Variants in RREB1 observed in about 807,000 individuals in gnomAD.
RREB1 encodes ras responsive element binding protein 1, also known as ras-responsive element-binding protein 1.
A neutral mutation model predicts 117.8 loss-of-function variants in RREB1; 27 were observed. That is an observed-to-expected ratio of 0.23 (90% CI 0.17 to 0.32). RREB1 has a LOEUF of 0.32. Among genes scored for constraint, RREB1 ranks in the 10% least tolerant of loss-of-function variants. RREB1 has a pLI of 1.00. For synonymous variants in RREB1, 1,298 were observed against 1,026.7 expected, an observed-to-expected ratio of 1.26 and a Z score of -5.05; for missense variants, 2,577 against 2,378.2, an observed-to-expected ratio of 1.08 and a Z score of -1.74.
chr6:7,171,345 C>T lies in RREB1; in HGVS notation c.-284-5310C>T, dbSNP rs967349858. Among the ~76,000 whole-genome samples the T allele has an allele frequency of 5.3e-5, 8 of 151,926 alleles. 1 individual carries two copies. Among genetic ancestry groups the T allele is most frequent in the African/African-American group, 1.2e-4 (5 of 41,360 alleles). On this transcript the variant is annotated intron_variant, in intron 1 of 12. Transcript: ENST00000379938. ...CTCCGCCTTCCTGCCTTGACGGGGACGGAAATGGAAAGCCAGGTGCAGAGC... is the reference window on the plus strand; with the variant it reads ...CTCCGCCTTCCTGCCTTGACGGGGATGGAAATGGAAAGCCAGGTGCAGAGC...
chr6:7,194,098 A>G (rs1688241052), intron 6 of RREB1, among the ~76,000 whole-genome samples: 1 of 152,192 alleles, frequency 6.6e-6, no homozygotes, highest in Admixed American at 6.5e-5. Context: ...GGGGGCAGCC[A>G]TTTTGACTGA....
intron 6 of RREB1, among the ~76,000 whole-genome samples, chr6:7,208,315 T>C (rs1422337484): frequency 6.6e-6 from 1 of 152,140 alleles, no homozygotes; most frequent in Non-Finnish European, 1.5e-5. Context: ...ACTCCTGTTG[T>C]TGGAGGCTAG....
rs550371484 is a variant in RREB1 at position 7,233,164 on chromosome 6, G to T, written c.3808+1257G>T. 3.3e-5 allele frequency among the ~76,000 whole-genome samples: 5 copies of T among 152,272 alleles called. No individual in the cohort carries two copies. In the East Asian group the frequency reaches 9.6e-4, roughly 29 times the overall value. The stretch of plus-strand genomic sequence containing the variant: ...GCCCACCTTGGCCTCTCAAAGTGCT[G>T]GGATTACAGGCGTGAGTCACTGCAC... On this transcript the variant is annotated intron_variant, in intron 10 of 12. Coordinates refer to ENST00000379938, the MANE Select transcript of RREB1 (RefSeq NM_001003699.4).
At chr6:7,110,919 C>T (rs1286026023) in intron 1 of RREB1, among the ~76,000 whole-genome samples, 1 of 152,148 alleles carries the variant, frequency 6.6e-6, no homozygotes, top group Non-Finnish European at 1.5e-5. Context: ...GACTCTAAGC[C>T]CTTATGGCAG....
intron 10 of RREB1, 146 bp downstream of exon 10, chr6:7,232,053 G>T (rs533473694): frequency 1.9e-5 from 16 of 820,626 alleles, no homozygotes; most frequent in Non-Finnish European, 2.0e-5. Flanking sequence ...CCCCGAGCTT[G>T]TCTGGTGGTG....
Position 7,230,846 on chromosome 6 carries a change from A to G in RREB1, c.2747A>G (p.Asn916Ser). 1.2e-6 allele frequency: 2 copies of G among 1,614,196 alleles called. No individual in the cohort carries two copies. The highest frequency in any genetic ancestry group is 1.7e-6 in the Non-Finnish European group (2 of 1,180,018). Residue 916 changes from asparagine (N) to serine (S), a missense_variant, in exon 10 of 13, where the codon AAC becomes AGC. Transcript: ENST00000379938. ...GLALVQVKQE[N>S]ISFLSPSSLV... is the part of the protein sequence containing the mutation. ...GCCCTGGTCCAAGTGAAGCAGGAAA[A>G]CATCTCCTTTCTGAGCCCTTCTTCC...
intron 8 of RREB1, among the ~76,000 whole-genome samples, chr6:7,223,773 G>A (rs955880954): frequency 6.6e-6 from 1 of 152,102 alleles, no homozygotes. Flanking sequence ...GAGCACATAC[G>A]AAAACTTTTT....
At chr6:7,191,164 G>C (rs762989614) in intron 6 of RREB1, among the ~76,000 whole-genome samples, 83 of 152,110 alleles carry the variant, frequency 5.5e-4, no homozygotes, top group Non-Finnish European at 9.1e-4. Context: ...TGCTGAAACT[G>C]TGGTGCTCTG....
chr6:7,224,678 G>A (rs765958180), intron 8 of RREB1, among the ~76,000 whole-genome samples: 11 of 152,144 alleles, frequency 7.2e-5, no homozygotes, highest in Non-Finnish European at 1.3e-4. Flanking sequence ...CTGCTTCCCC[G>A]CAGGATCTGT....
At chr6:7,187,377 A>G (rs1765138088) in intron 4 of RREB1, 57 bp from the exon 5 acceptor site, 2 of 1,094,156 alleles carry the variant, frequency 1.8e-6, no homozygotes, top group Non-Finnish European at 2.8e-6. Flanking sequence ...ACAGAAAGAA[A>G]AGGCACTTGT....
At chr6:7,130,620 CT>C (rs150504185) in intron 1 of RREB1, among the ~76,000 whole-genome samples, 124 of 143,686 alleles carry the variant, frequency 8.6e-4, no homozygotes, top group African/African-American at 1.1e-3. Context: ...GTAGTCATTT[CT>C]TTTTTTTTTT....
chr6:7,244,483 T>G (rs1255891099), intron 11 of RREB1, among the ~76,000 whole-genome samples: 1 of 152,166 alleles, frequency 6.6e-6, no homozygotes, highest in African/African-American at 2.4e-5. Flanking sequence ...TATACCAATA[T>G]CCATTCTATA....
At position 7,249,044 on chromosome 6, in the gene RREB1, C is replaced by A; in HGVS notation, c.*76C>A. The A allele has an allele frequency of 1.0e-6, 1 of 965,646 alleles. No individual in the cohort carries two copies. Among genetic ancestry groups the A allele is most frequent in the Non-Finnish European group, 1.5e-6 (1 of 680,752 alleles). The allele number at this position is 965,646 out of a possible 1,614,324, so 59.8% of individuals were successfully genotyped here. A position where few individuals can be genotyped will look rare whatever the true frequency, so the allele number is the denominator to read the frequency against. ...ATACTTCATGGGGTTTCCTCAGTGC[C>A]CTTTGGCTGTTGAGGAGTGAGAGAG... On this transcript the variant is annotated 3_prime_UTR_variant, in exon 13 of 13. Coordinates refer to ENST00000379938, the MANE Select transcript of RREB1 (RefSeq NM_001003699.4).
chr6:7,214,238 C>A (rs1766775708), intron 8 of RREB1: 1 of 152,252 alleles, frequency 6.6e-6, no homozygotes, highest in Non-Finnish European at 1.5e-5. Flanking sequence ...TCCTGCACGT[C>A]CAGCTAGCCG....
chr6:7,229,786 C>T lies in RREB1; in HGVS notation c.1687C>T (p.Leu563=). ...SVEAASNAHL[L]QSKSGTQPHA... ...GGAGGCGGCCTCCAACGCCCACCTG[C>T]TGCAGTCCAAGTCCGGGACCCAGCC... is the stretch of plus-strand genomic sequence containing the variant. Residue 563 remains leucine (L), a synonymous_variant, in exon 10 of 13, where the codon CTG becomes TTG. Coordinates refer to ENST00000379938, the MANE Select transcript of RREB1 (RefSeq NM_001003699.4). The surrounding 1 kb of genome is among the most constrained non-coding windows in gnomAD (Gnocchi z 4.5). 6.2e-7 allele frequency: 1 copy of T among 1,608,580 alleles called. No homozygotes were observed. The highest frequency in any genetic ancestry group is 1.7e-4 in the Middle Eastern group (1 of 6,046).
At chr6:7,143,260 TA>T (rs958164218) in intron 1 of RREB1, among the ~76,000 whole-genome samples, 1 of 152,224 alleles carries the variant, frequency 6.6e-6, no homozygotes, top group African/African-American at 2.4e-5. Context: ...TGCGGCTCAT[TA>T]ATTTTTTAAG....
At chr6:7,179,701 A>C (rs891440704) in intron 2 of RREB1, among the ~76,000 whole-genome samples, 1 of 152,244 alleles carries the variant, frequency 6.6e-6, no homozygotes, top group Non-Finnish European at 1.5e-5. Flanking sequence ...GTACACACTC[A>C]TGTATGCACT....
At chr6:7,208,964 A>G (rs995406705) in intron 6 of RREB1, among the ~76,000 whole-genome samples, 2 of 152,164 alleles carry the variant, frequency 1.3e-5, no homozygotes, top group African/African-American at 2.4e-5. Flanking sequence ...CTCTGAGGCT[A>G]TGGGCAGGTT....
Position 7,230,337 on chromosome 6 carries a change from C to T in RREB1, c.2238C>T (p.Asp746=), listed in dbSNP as rs532055856. ...YVSSSAAELV[D]AFCAPDTVCR... The stretch of plus-strand genomic sequence containing the variant: ...GTAGCAGCGCGGCCGAGCTGGTGGA[C>T]GCCTTCTGCGCCCCGGACACCGTGT... Residue 746 remains aspartate, a synonymous_variant, in exon 10 of 13, where the codon GAC becomes GAT. Transcript: ENST00000379938. The T allele has an allele frequency of 9.0e-5, 143 of 1,589,126 alleles. No homozygotes were observed. In the South Asian group the frequency reaches 1.5e-3, roughly 17 times the overall value.
Sources: gnomAD v4.1 joint callset for allele counts (sites outside exome capture counted in the v4.1 genomes callset) on GRCh38, gnomAD v4.1.1 for gene constraint, Gnocchi (gnomAD v3.1) non-coding constraint, MANE v1.5 for transcripts, NCBI Gene and HGNC (gene_info 2026-07-23, HGNC 2026-07-21) for gene names.